MXRA5: variants seen among roughly 807,000 people sequenced by gnomAD.
MXRA5 encodes matrix-remodeling-associated protein 5.
In MXRA5, 41 loss-of-function variants were observed where a neutral mutation model predicts 112.5. The observed-to-expected ratio is 0.36, with a 90% CI of 0.28 to 0.47. The LOEUF is 0.47. Among genes scored for constraint, MXRA5 ranks in the 20% least tolerant of loss-of-function variants. The pLI is 0.99. For missense variants in MXRA5, 2,150 were observed against 2,251.0 expected (o/e 0.96, Z 0.91); for synonymous variants, 862 against 900.8 (o/e 0.96, Z 0.77).
At chrX:3,341,427 G>T (rs190470776) in intron 2 of MXRA5, among the ~76,000 whole-genome samples, 1 of 8,057 alleles carries the variant, frequency 1.2e-4, no homozygotes, top group Non-Finnish European at 1.6e-4. Flanking sequence ...TATAATATAT[G>T]TAATATATAT....
At chrX:3,311,710 G>A (rs1937857902) in intron 6 of MXRA5, 86 bp from the exon 7 acceptor site, 1 of 813,604 alleles carries the variant, frequency 1.2e-6, no homozygotes, top group Non-Finnish European at 1.8e-6. Context: ...CACAAAAATA[G>A]GTGTTTCTGT....
rs773995671 is a variant in MXRA5, at chrX:3,317,561, C to A, written c.6120G>T (p.Leu2040=). 6 of 1,210,315 alleles carry A rather than the reference C, an allele frequency of 5.0e-6. No homozygotes were observed. The highest frequency in any genetic ancestry group is 2.8e-4 in the Middle Eastern group (1 of 3,542). ...TAACGGGGGGCAGTGCCGCCACGTG[C>A]AGGCGGATGGCCAGGCTGTCCGCCC... is the stretch of plus-strand genomic sequence containing the variant. The part of the protein sequence containing the change: ...AAGADSLAIR[L]HVAALPPVIH... Residue 2040 remains leucine, a synonymous_variant, in exon 6 of 7, where the codon CTG becomes CTT. Coordinates refer to ENST00000217939, the MANE Select transcript of MXRA5 (RefSeq NM_015419.4).
intron 1 of MXRA5, among the ~76,000 whole-genome samples, chrX:3,344,985 T>C (rs1922073448): frequency 9.2e-6 from 1 of 108,178 alleles, no homozygotes; most frequent in Non-Finnish European, 1.9e-5. Context: ...AAAACAAAAT[T>C]AGCTGGGCGT....
chrX:3,323,344 C>T lies in MXRA5; in HGVS notation c.2341G>A (p.Glu781Lys). ...INMANKQINP[E>K]RWADILAKVR... is the part of the protein sequence containing the mutation. ...TTGGCTAAAATATCAGCCCAGCGCT[C>T]CGGATTAATCTGTTTGTTTGCCATG... Residue 781 changes from glutamate (E) to lysine (K), a missense_variant, in exon 5 of 7, where the codon GAG becomes AAG. Glu to Lys is a moderately conservative substitution (Grantham distance 56). Around this residue, in one of 6 missense-constraint regions of MXRA5, gnomAD observed 1,485 missense variants for 1,471.6 expected, o/e 1.01. Transcript: ENST00000217939. The T allele has an allele frequency of 8.3e-7, 1 of 1,211,593 alleles. No homozygotes were observed. Among genetic ancestry groups the T allele is most frequent in the South Asian group, 1.8e-5 (1 of 56,954 alleles).
chrX:3,346,391 C>A lies in MXRA5; in HGVS notation c.-29+124G>T, dbSNP rs1250745131. 5 of 330,405 alleles carry A rather than the reference C, an allele frequency of 1.5e-5. No homozygotes were observed. The Admixed American group carries it at 4.5e-4, about 30-fold the overall frequency. 27.2% of individuals were successfully genotyped at this position (330,405 alleles called of 1,213,427 possible). ...AGCAACTTCAAACAGTGCTGGGGAA[C>A]GGTGCAATCTGCCTGCATGCAGGCC... On this transcript the variant is annotated intron_variant, in intron 1 of 6. Coordinates refer to ENST00000217939, the MANE Select transcript of MXRA5 (RefSeq NM_015419.4).
intron 2 of MXRA5, among the ~76,000 whole-genome samples, chrX:3,340,239 C>T (rs1921883469): frequency 8.9e-6 from 1 of 111,928 alleles, no homozygotes; most frequent in African/African-American, 3.2e-5. Flanking sequence ...TAGCACTTGG[C>T]CAACAATTCC....
At position 3,309,791 on chromosome X, in the gene MXRA5, A is replaced by T; in HGVS notation, c.8412T>A (p.Asp2804Glu). 3.3e-6 allele frequency: 4 copies of T among 1,211,771 alleles called. No individual in the cohort carries two copies. Among genetic ancestry groups the T allele is most frequent in the Non-Finnish European group, 4.5e-6 (4 of 895,505 alleles). ...SLTIQHATQR[D>E]AGFYKCMAKN... The stretch of plus-strand genomic sequence containing the variant: ...TTGCCATGCACTTGTAGAAGCCGGC[A>T]TCTCTCTGTGTGGCATGCTGGATGG... The change falls in exon 7 of 7, where the codon GAT becomes GAA. Residue 2804 changes from aspartate to glutamate, a missense_variant. Asp to Glu is a conservative substitution (Grantham distance 45, BLOSUM62 2). Transcript: ENST00000217939.
intron 6 of MXRA5, among the ~76,000 whole-genome samples, chrX:3,311,981 T>C (rs1462212697): frequency 2.7e-5 from 3 of 112,239 alleles, no homozygotes; most frequent in Admixed American, 9.4e-5. Flanking sequence ...GCTACAGTCA[T>C]GGAGATGGTG....
intron 2 of MXRA5, among the ~76,000 whole-genome samples, chrX:3,341,045 G>T: frequency 3.4e-5 from 1 of 29,578 alleles, no homozygotes; most frequent in Non-Finnish European, 7.8e-5. Flanking sequence ...TATATATTGT[G>T]TATAATATAT....
At chrX:3,313,096 T>A (rs1921011961) in intron 6 of MXRA5, among the ~76,000 whole-genome samples, 2 of 111,854 alleles carry the variant, frequency 1.8e-5, no homozygotes, top group African/African-American at 6.5e-5. Flanking sequence ...GGAATTTGAA[T>A]CCAAAAATGA....
At chrX:3,342,449 A>G (rs1490563635) in intron 2 of MXRA5, among the ~76,000 whole-genome samples, 5 of 112,229 alleles carry the variant, frequency 4.5e-5, no homozygotes, top group Non-Finnish European at 9.4e-5. Context: ...AATGTGTCCG[A>G]TAAATTACAA....
Position 3,324,831 on chromosome X carries a change from C to G in MXRA5, c.854G>C (p.Arg285Thr). 2 of 1,211,656 alleles carry G rather than the reference C, an allele frequency of 1.7e-6. No individual in the cohort carries two copies. Among genetic ancestry groups the G allele is most frequent in the Middle Eastern group, 2.3e-4 (1 of 4,347 alleles). Reference sequence around the variant, plus strand: ...CTCAATACTCCTGCTCCTGTTCTGTCTCAGAGGGGACTCTATTGAAGGCTT... The same window carrying G: ...CTCAATACTCCTGCTCCTGTTCTGTGTCAGAGGGGACTCTATTGAAGGCTT... ...CLKPSIESPL[R>T]QNRSRSIEEE... Residue 285 changes from arginine to threonine, a missense_variant, in exon 5 of 7, where the codon AGA becomes ACA. This residue lies in a region of MXRA5 where 386 missense variants were observed against 411.0 expected (regional missense o/e 0.94). Transcript: ENST00000217939.
chrX:3,345,175 G>A (rs1196606776), intron 1 of MXRA5, among the ~76,000 whole-genome samples: 1 of 112,353 alleles, frequency 8.9e-6, no homozygotes, highest in Non-Finnish European at 1.9e-5. Context: ...CTATAAGAGA[G>A]GAACATCCCA....
Position 3,321,724 on chromosome X carries a change from A to T in MXRA5, c.3961T>A (p.Ser1321Thr). The T allele has an allele frequency of 8.3e-7, 1 of 1,210,520 alleles. No homozygotes were observed. The highest frequency in any genetic ancestry group is 2.3e-4 in the Middle Eastern group (1 of 4,350). ...ETLPVTYKPT[S>T]DGKEIKDDVA... ...TCATCCTTAATTTCTTTTCCATCTG[A>T]TGTGGGTTTATATGTGACTGGAAGT... Residue 1321 changes from serine (S) to threonine (T), a missense_variant, in exon 5 of 7, where the codon TCA becomes ACA. Physicochemically the swap from Ser to Thr is moderately conservative, Grantham distance 58. Coordinates refer to ENST00000217939, the MANE Select transcript of MXRA5 (RefSeq NM_015419.4).
At position 3,317,089 on chromosome X, in the gene MXRA5, G is replaced by A; in HGVS notation, c.6578+14C>T. On this transcript the variant is annotated intron_variant, in intron 6 of 6. Coordinates refer to ENST00000217939, the MANE Select transcript of MXRA5 (RefSeq NM_015419.4). ...AGCCCAGCGATTTACAGGAAGCCAC[G>A]CAGAGCTGCCTACCTGAAGAGCGCG... 5.3e-6 allele frequency: 6 copies of A among 1,129,294 alleles called. No individual in the cohort carries two copies. The highest frequency in any genetic ancestry group is 7.0e-6 in the Non-Finnish European group (6 of 854,526). The allele number at this position is 1,129,294 out of a possible 1,213,427, so 93.1% of individuals were successfully genotyped here.
At chrX:3,334,450 A>G (rs1921740188) in intron 2 of MXRA5, among the ~76,000 whole-genome samples, 1 of 111,453 alleles carries the variant, frequency 9.0e-6, no homozygotes, top group South Asian at 3.8e-4. Flanking sequence ...CCACTCAGAC[A>G]TTGCTCTGTG....
chrX:3,325,679 A>C (rs1921442701), intron 4 of MXRA5, among the ~76,000 whole-genome samples: 2 of 102,995 alleles, frequency 1.9e-5, no homozygotes, highest in Admixed American at 2.3e-4. Flanking sequence ...ATGTAAATTA[A>C]ATATGGATAT....
In MXRA5 at chrX:3,321,200, G is replaced by T. The variant is rs759871539; in HGVS notation, c.4485C>A (p.Ser1495=). The T allele has an allele frequency of 1.4e-5, 17 of 1,211,463 alleles. No homozygotes were observed. Among genetic ancestry groups the T allele is most frequent in the Non-Finnish European group, 1.6e-5 (14 of 895,184 alleles). The part of the protein sequence containing the change: ...AARMKEPASS[S]PSTILMSLGQ... ...CCAAAGACATGAGAATTGTGGATGGGGACGAGGATGCTGGCTCCTTCATCC... is the reference window on the plus strand; with the variant it reads ...CCAAAGACATGAGAATTGTGGATGGTGACGAGGATGCTGGCTCCTTCATCC... The change falls in exon 5 of 7, where the codon TCC becomes TCA. Residue 1495 remains serine (S), a synonymous_variant. Coordinates refer to ENST00000217939, the MANE Select transcript of MXRA5 (RefSeq NM_015419.4).
In MXRA5 at chrX:3,309,383, T is replaced by C. The variant is rs964434840; in HGVS notation, c.*333A>G. On this transcript the variant is annotated 3_prime_UTR_variant, in exon 7 of 7. Transcript: ENST00000217939. ...TCTATGGCTTATTTTTGATGAATGT[T>C]CCTCAGATATCCTATGGACGCTTAT... is the stretch of plus-strand genomic sequence containing the variant. The C allele has an allele frequency of 4.4e-6, 1 of 229,267 alleles. No individual in the cohort carries two copies. Among genetic ancestry groups the C allele is most frequent in the African/African-American group, 2.9e-5 (1 of 34,888 alleles). 18.9% of individuals were successfully genotyped at this position (229,267 alleles called of 1,213,427 possible). A position where few individuals can be genotyped will look rare whatever the true frequency, so the allele number is the denominator to read the frequency against.
Sources: gnomAD v4.1 joint callset for allele counts (sites outside exome capture counted in the v4.1 genomes callset) on GRCh38, gnomAD v4.1.1 for gene constraint, gnomAD v4.1.1 regional missense constraint, MANE v1.5 for transcripts, NCBI Gene and HGNC (gene_info 2026-07-23, HGNC 2026-07-21) for gene names.